ATL1: variants seen among roughly 807,000 people sequenced by gnomAD.
ATL1 encodes the protein atlastin GTPase 1, also known as atlastin-1.
ATL1 carries 31 observed loss-of-function variants against 75.5 expected under a neutral mutation model. The observed-to-expected ratio is 0.41, with a 90% CI of 0.31 to 0.55. The LOEUF is 0.55. ATL1 is among the 20% of genes least tolerant of loss of function. ATL1 has a pLI of 0.27. For missense variants in ATL1, 405 were observed against 662.6 expected, an observed-to-expected ratio of 0.61 and a Z score of 4.27; for synonymous variants, 226 against 233.3, an observed-to-expected ratio of 0.97 and a Z score of 0.28.
exon 1 of ATL1, chr14:50,533,339 T>C (rs1048084038): frequency 2.0e-5 from 3 of 152,158 alleles, no homozygotes; most frequent in Non-Finnish European, 4.4e-5. Context: ...TGGCAACATC[T>C]CGGTGTCCTT....
In ATL1 at chr14:50,585,350, T is replaced by C. The variant is rs74051566; in HGVS notation, c.35-2481T>C. 4.9e-3 allele frequency among the ~76,000 whole-genome samples: 746 copies of C among 152,342 alleles called. 9 individuals are homozygous for C. The highest frequency in any genetic ancestry group is 0.017 in the African/African-American group (698 of 41,584). On this transcript the variant is annotated intron_variant, in intron 1 of 13. Transcript: ENST00000358385. ...ACAATTATTTCAGTCTATAGAAAGT[T>C]ATGATCTAGTTTTCTGCCCCAAAGC...
At chr14:50,570,171 A>G (rs2038941502) in intron 1 of ATL1, among the ~76,000 whole-genome samples, 2 of 152,124 alleles carry the variant, frequency 1.3e-5, no homozygotes, top group Non-Finnish European at 2.9e-5. Flanking sequence ...AACTATTACA[A>G]TGTGTATGTT....
chr14:50,594,257 G>A (rs1471589207), intron 5 of ATL1, among the ~76,000 whole-genome samples: 1 of 152,098 alleles, frequency 6.6e-6, no homozygotes, highest in Non-Finnish European at 1.5e-5. Flanking sequence ...TCACTATGGC[G>A]AGAACAGCGA....
intron 1 of ATL1, among the ~76,000 whole-genome samples, chr14:50,581,835 G>T (rs190340094): frequency 6.9e-4 from 105 of 152,294 alleles, no homozygotes; most frequent in Non-Finnish European, 1.3e-3. Context: ...ACTGGCTAAT[G>T]ATGCTGTTCA....
intron 1 of ATL1, among the ~76,000 whole-genome samples, chr14:50,534,970 T>A (rs2038474309): frequency 6.6e-6 from 1 of 152,056 alleles, no homozygotes; most frequent in South Asian, 2.1e-4. Flanking sequence ...GTTAGTTATG[T>A]CATGGTAACT....
intron 1 of ATL1, among the ~76,000 whole-genome samples, chr14:50,535,201 TC>T (rs1233022239): frequency 2.0e-5 from 3 of 152,358 alleles, no homozygotes; most frequent in African/African-American, 4.8e-5. Context: ...TGAAAGTTCT[TC>T]AGTAAAATGC....
Position 50,630,223 on chromosome 14 carries a change from C to A in ATL1, c.1566+214C>A, listed in dbSNP as rs559304433. ...ATGTATGATTTGATCTACACACACA[C>A]AAAAACTAAGAATTGAATATCATCA... On this transcript the variant is annotated intron_variant, in intron 13 of 13. Transcript: ENST00000358385. Among the ~76,000 whole-genome samples the A allele has an allele frequency of 4.6e-5, 7 of 152,268 alleles. No individual in the cohort carries two copies. In the South Asian group the frequency reaches 1.0e-3, roughly 23 times the overall value.
chr14:50,544,558 CTGTCTCTAGGCATGGA>C (rs1306694335), intron 1 of ATL1, among the ~76,000 whole-genome samples: 1 of 152,180 alleles, frequency 6.6e-6, no homozygotes, highest in Non-Finnish European at 1.5e-5. Context: ...ATGACTTATT[CTGTCTCTAGGCATGGA>C]TGTCTGCTTC....
Position 50,574,935 on chromosome 14 carries a change from GTGTATATATATATATATATATATA to G in ATL1, c.35-12894_35-12871del, listed in dbSNP as rs1467032493. Among the ~76,000 whole-genome samples the G allele has an allele frequency of 3.2e-4, 11 of 34,596 alleles. 1 individual carries two copies. The highest frequency in any genetic ancestry group is 3.1e-3 in the East Asian group (3 of 964). 22.7% of individuals were successfully genotyped at this position (34,596 alleles called of 152,430 possible). A position where few individuals can be genotyped will look rare whatever the true frequency, so the allele number is the denominator to read the frequency against. ...TGTGTGTGTGTGTGTGTGTGTGTGT[GTGTATATATATATATATATATATA>G]TATATATATATATATATTAGCTTTT... On this transcript the variant is annotated intron_variant, in intron 1 of 13. Transcript: ENST00000358385.
chr14:50,592,066 G>A (rs1310976088), intron 4 of ATL1, among the ~76,000 whole-genome samples: 2 of 152,078 alleles, frequency 1.3e-5, no homozygotes, highest in African/African-American at 4.8e-5. Flanking sequence ...TGTGTTCATA[G>A]CTTTTAAAAA....
At chr14:50,539,206 A>G (rs935049811) in intron 1 of ATL1, among the ~76,000 whole-genome samples, 4 of 152,244 alleles carry the variant, frequency 2.6e-5, no homozygotes, top group East Asian at 1.9e-4. Flanking sequence ...TGGCATCACA[A>G]TTACTCAAAC....
At chr14:50,548,818 A>G (rs913098044) in intron 1 of ATL1, among the ~76,000 whole-genome samples, 1 of 152,066 alleles carries the variant, frequency 6.6e-6, no homozygotes, top group African/African-American at 2.4e-5. Context: ...CCTGGTCTCA[A>G]TTATGAAAGG....
At chr14:50,628,963 G>A (rs376644611) in intron 12 of ATL1, among the ~76,000 whole-genome samples, 24 of 152,058 alleles carry the variant, frequency 1.6e-4, no homozygotes, top group Non-Finnish European at 2.5e-4. Context: ...AGCAATCTGC[G>A]CGCCTCAGCC....
At chr14:50,575,051 C>T (rs2038993536) in intron 1 of ATL1, among the ~76,000 whole-genome samples, 2 of 146,888 alleles carry the variant, frequency 1.4e-5, no homozygotes, top group African/African-American at 2.5e-5. Context: ...TTTAGGAAGG[C>T]TATCTATTTT....
intron 1 of ATL1, among the ~76,000 whole-genome samples, chr14:50,547,449 G>C (rs1331178018): frequency 2.0e-5 from 3 of 152,186 alleles, no homozygotes; most frequent in Non-Finnish European, 2.9e-5. Context: ...CAAGGACGGA[G>C]TCTGAAAATA....
chr14:50,555,183 T>A (rs771956022), upstream of ATL1, among the ~76,000 whole-genome samples: 24 of 152,212 alleles, frequency 1.6e-4, no homozygotes, highest in Non-Finnish European at 3.1e-4. Flanking sequence ...ATGCCCACAC[T>A]AGAGCAGCCA....
At chr14:50,565,964 G>A (rs1330148593) in intron 1 of ATL1, among the ~76,000 whole-genome samples, 1 of 152,040 alleles carries the variant, frequency 6.6e-6, no homozygotes, top group African/African-American at 2.4e-5. Context: ...CTCCTTGTAT[G>A]CCTCTCCTTA....
At chr14:50,551,198 A>G (rs2038697783) in intron 1 of ATL1, among the ~76,000 whole-genome samples, 1 of 152,200 alleles carries the variant, frequency 6.6e-6, no homozygotes, top group African/African-American at 2.4e-5. Flanking sequence ...GGAAGATGTT[A>G]TAACTGATAC....
At chr14:50,564,778 G>A (rs1473600124) in intron 1 of ATL1, among the ~76,000 whole-genome samples, 1 of 151,518 alleles carries the variant, frequency 6.6e-6, no homozygotes, top group African/African-American at 2.4e-5. Context: ...TGTAGGAAAT[G>A]CCTATTTGTT....
Sources: allele counts gnomAD v4.1 joint callset (sites outside exome capture counted in the v4.1 genomes callset), GRCh38; gene constraint gnomAD v4.1.1; transcripts MANE v1.5; gene names NCBI Gene and HGNC (gene_info 2026-07-23, HGNC 2026-07-21).